Variants in BCCIP observed in about 807,000 individuals in gnomAD.
BCCIP encodes BRCA2 and CDKN1A-interacting protein.
Under a neutral mutation model 32.8 loss-of-function variants are expected in BCCIP, and 23 were observed. The ratio of observed to expected loss-of-function variants is 0.70; its 90% CI spans 0.51 to 0.99. The LOEUF (loss-of-function observed/expected upper bound fraction) is 0.99. BCCIP is among the 50% of genes least tolerant of loss of function. The pLI is 0.00. For missense variants in BCCIP, 378 were observed against 379.8 expected, an observed-to-expected ratio of 1.00 and a Z score of 0.04; for synonymous variants, 144 against 137.6, an observed-to-expected ratio of 1.05 and a Z score of -0.33.
At chr10:125,824,639 C>T (rs772928727) in intron 1 of BCCIP, among the ~76,000 whole-genome samples, 8 of 152,238 alleles carry the variant, frequency 5.3e-5, no homozygotes, top group Non-Finnish European at 1.0e-4. Context: ...ACACCTCTAT[C>T]ATCTCTTGCC....
At chr10:125,828,793 G>A (rs1393924194) in intron 3 of BCCIP, among the ~76,000 whole-genome samples, 1 of 152,208 alleles carries the variant, frequency 6.6e-6, no homozygotes, top group Non-Finnish European at 1.5e-5. Context: ...CAACTCATCT[G>A]TGCTCCTGCT....
intron 2 of BCCIP, among the ~76,000 whole-genome samples, chr10:125,826,961 G>C (rs371487300): frequency 1.3e-5 from 2 of 149,382 alleles, no homozygotes; most frequent in Non-Finnish European, 3.0e-5. Context: ...GTGCCATTGA[G>C]CTCCAGTCTG....
At chr10:125,828,867 C>T (rs567976906) in intron 3 of BCCIP, among the ~76,000 whole-genome samples, 1 of 152,188 alleles carries the variant, frequency 6.6e-6, no homozygotes, top group Non-Finnish European at 1.5e-5. Context: ...ATGGCTCACT[C>T]ACATGACTGG....
intron 6 of BCCIP, among the ~76,000 whole-genome samples, 191 bp downstream of exon 6, chr10:125,834,137 C>T (rs1308767876): frequency 1.3e-5 from 2 of 152,186 alleles, no homozygotes; most frequent in South Asian, 2.1e-4. Context: ...GGCTAGGCAC[C>T]AGCCTCCTTG....
chr10:125,841,008 A>G, downstream of BCCIP: 1 of 1,592,584 alleles, frequency 6.3e-7, no homozygotes, highest in South Asian at 1.1e-5. Flanking sequence ...TTCAAAATGA[A>G]AAAGGTCACA....
At chr10:125,843,426 C>T (rs570785624), downstream of BCCIP, among the ~76,000 whole-genome samples, 3 of 152,132 alleles carry the variant, frequency 2.0e-5, no homozygotes, top group South Asian at 2.1e-4. Flanking sequence ...CTGGCTAACA[C>T]GGTGAAACCC....
Position 125,836,192 on chromosome 10 carries a change from C to G in BCCIP, c.863C>G (p.Thr288Arg). The change falls in exon 7 of 7, where the codon ACG becomes AGG. Residue 288 changes from threonine (T) to arginine (R), a missense_variant. By Grantham distance (71) the Thr-to-Arg change is moderately conservative. Coordinates refer to ENST00000278100, the MANE Select transcript of BCCIP (RefSeq NM_078468.3). ...TGGTCTTTTGATGACGTACCAATGA[C>G]GCCCTTGCGAACTGTGATGTTAATT... ...GKWSFDDVPM[T>R]PLRTVMLIPG... 1 of 1,614,200 alleles carries G rather than the reference C, an allele frequency of 6.2e-7. No individual in the cohort carries two copies. The highest frequency in any genetic ancestry group is 8.5e-7 in the Non-Finnish European group (1 of 1,180,022).
chr10:125,833,753 T>TTG lies in BCCIP; in HGVS notation c.600-10_600-9dup, dbSNP rs756932001. On this transcript the variant is annotated intron_variant, in intron 5 of 6. Transcript: ENST00000278100. ...ACTTGACCCAGCAGGTAAACAAATG[T>TTG]TGTGTGTGTGCCTTGCAGGAAAGAA... The TTG allele has an allele frequency of 6.2e-7, 1 of 1,611,902 alleles. No individual in the cohort carries two copies. Among genetic ancestry groups the TTG allele is most frequent in the South Asian group, 1.1e-5 (1 of 90,474 alleles).
rs772213357 is a variant in BCCIP, at chr10:125,852,487, T to C, written c.851-638T>C. 3.7e-6 allele frequency: 6 copies of C among 1,613,462 alleles called. No homozygotes were observed. The Admixed American group carries it at 1.0e-4, about 27-fold the overall frequency. On this transcript the variant is annotated intron_variant, in intron 7 of 7. Transcript: ENST00000368759. ...CCAAGAAAAATGGCTTTAATATTTC[T>C]GGGTTGCCTGCATACAAGAATTGAC... is the stretch of plus-strand genomic sequence containing the variant.
chr10:125,826,714 C>G, intron 2 of BCCIP, 49 bp downstream of exon 2: 3 of 1,602,726 alleles, frequency 1.9e-6, no homozygotes, highest in South Asian at 2.2e-5. Flanking sequence ...TAAGAAAAAT[C>G]AGGGGCCGGG....
At chr10:125,826,948 A>T (rs1164471892) in intron 2 of BCCIP, among the ~76,000 whole-genome samples, 3 of 150,756 alleles carry the variant, frequency 2.0e-5, no homozygotes, top group African/African-American at 7.3e-5. Flanking sequence ...TGCAGCTATG[A>T]ATGTGCCATT....
chr10:125,824,921 T>TG (rs1854335860), intron 1 of BCCIP, among the ~76,000 whole-genome samples: 2 of 152,236 alleles, frequency 1.3e-5, no homozygotes, highest in African/African-American at 2.4e-5. Context: ...TCATGAGTCA[T>TG]GATGAGCATG....
chr10:125,848,775 A>G (rs1169035003), intron 7 of BCCIP, among the ~76,000 whole-genome samples: 2 of 152,200 alleles, frequency 1.3e-5, no homozygotes, highest in Non-Finnish European at 2.9e-5. Context: ...CACTCAGACG[A>G]TGACTGTGCT....
chr10:125,833,283 G>A (rs1854570797), intron 5 of BCCIP, among the ~76,000 whole-genome samples: 1 of 152,216 alleles, frequency 6.6e-6, no homozygotes, highest in Non-Finnish European at 1.5e-5. Context: ...TAGAATTTAG[G>A]TTGTGTGTTT....
At chr10:125,844,364 A>G (rs1854955756), downstream of BCCIP, among the ~76,000 whole-genome samples, 1 of 152,250 alleles carries the variant, frequency 6.6e-6, no homozygotes, top group Admixed American at 6.5e-5. Context: ...CCCTTTAAGC[A>G]TCTGGCTTGA....
At position 125,831,581 on chromosome 10, in the gene BCCIP, C is replaced by G. The variant is rs143179971; in HGVS notation, c.573C>G (p.Ile191Met). ...GATTCATTAATGTCCCTCCACAGAT[C>G]GCTCTGCCCATGTACCAGCAGCTTC... The part of the protein sequence containing the change: ...SERFINVPPQ[I>M]ALPMYQQLQK... The change falls in exon 5 of 7, where the codon ATC (isoleucine) becomes ATG (methionine). Residue 191 changes from isoleucine (I) to methionine (M), a missense_variant. By Grantham distance (10) the Ile-to-Met change is conservative (BLOSUM62 1). Coordinates refer to ENST00000278100, the MANE Select transcript of BCCIP (RefSeq NM_078468.3). 6.2e-7 allele frequency: 1 copy of G among 1,613,752 alleles called. No individual in the cohort carries two copies. The highest frequency in any genetic ancestry group is 8.5e-7 in the Non-Finnish European group (1 of 1,179,796).
In BCCIP at chr10:125,852,390, T is replaced by C. The variant is rs944158768; in HGVS notation, c.851-735T>C. 3 of 1,614,112 alleles carry C rather than the reference T, an allele frequency of 1.9e-6. No individual in the cohort carries two copies. Among genetic ancestry groups the C allele is most frequent in the African/African-American group, 1.3e-5 (1 of 74,920 alleles). On this transcript the variant is annotated intron_variant, in intron 7 of 7. Transcript: ENST00000368759. ...TTAGGTTGGCTTCCTGCATTTCTGC[T>C]GGCTTCAGTGGCGTCATGTCTTTGG... is the stretch of plus-strand genomic sequence containing the variant.
chr10:125,843,936 T>C (rs2134031508), downstream of BCCIP, among the ~76,000 whole-genome samples: 1 of 152,218 alleles, frequency 6.6e-6, no homozygotes, highest in South Asian at 2.1e-4. Context: ...TTGGGGCAAA[T>C]ATGTTGAATT....
At chr10:125,838,247 C>T (rs760210730), downstream of BCCIP, 31 of 1,612,492 alleles carry the variant, frequency 1.9e-5, no homozygotes, top group Non-Finnish European at 2.6e-5. Context: ...TGTAGTTGTT[C>T]TCAGAAATGC....
Sources: gnomAD v4.1 joint callset for allele counts (sites outside exome capture counted in the v4.1 genomes callset) on GRCh38, gnomAD v4.1.1 for gene constraint, MANE v1.5 for transcripts, NCBI Gene and HGNC (gene_info 2026-07-23, HGNC 2026-07-21) for gene names.